Variants in RAB30 observed in about 807,000 individuals in gnomAD.
RAB30 encodes the protein ras-related protein Rab-30.
Under a neutral mutation model 25.1 loss-of-function variants are expected in RAB30, and 9 were observed. The ratio of observed to expected loss-of-function variants is 0.36; its 90% CI spans 0.22 to 0.63. The LOEUF is 0.63. RAB30 is among the 20% of genes least tolerant of loss of function. RAB30 has a pLI of 0.69. For synonymous variants in RAB30, 77 were observed against 86.4 expected, an observed-to-expected ratio of 0.89 and a Z score of 0.60; for missense variants, 140 against 243.5, an observed-to-expected ratio of 0.58 and a Z score of 2.83.
intron 1 of RAB30, among the ~76,000 whole-genome samples, chr11:83,063,395 T>G (rs1056934554): frequency 3.3e-5 from 5 of 152,230 alleles, no homozygotes; most frequent in African/African-American, 9.6e-5. Flanking sequence ...CACATTTTAG[T>G]GAAGTTAACT....
Position 82,978,954 on chromosome 11 carries a change from A to G in RAB30, c.*3211T>C, listed in dbSNP as rs1463493172. 1 of 152,202 alleles carries G rather than the reference A, an allele frequency of 6.6e-6. No homozygotes were observed. The highest frequency in any genetic ancestry group is 1.5e-5 in the Non-Finnish European group (1 of 68,032). 9.4% of individuals were successfully genotyped at this position (152,202 alleles called of 1,614,324 possible). A position where few individuals can be genotyped will look rare whatever the true frequency, so the allele number is the denominator to read the frequency against. On this transcript the variant is annotated 3_prime_UTR_variant, in exon 5 of 5. Coordinates refer to ENST00000527633, the MANE Select transcript of RAB30 (RefSeq NM_001286060.2). ...TTGCCACTTTACTCAGGGAGAGATA[A>G]AAACGTGAAATGATTAAAAGACCGA...
intron 1 of RAB30, among the ~76,000 whole-genome samples, chr11:83,040,307 G>T (rs1858078468): frequency 6.6e-6 from 1 of 152,118 alleles, no homozygotes; most frequent in South Asian, 2.1e-4. Flanking sequence ...CACTATTTTG[G>T]GCTGGGTGCA....
chr11:82,990,397 T>A (rs898251965), intron 3 of RAB30, among the ~76,000 whole-genome samples: 1 of 152,196 alleles, frequency 6.6e-6, no homozygotes, highest in Non-Finnish European at 1.5e-5. Flanking sequence ...GAGGAACTGG[T>A]CAATTCTACT....
At chr11:83,031,694 A>G (rs1331424411) in intron 1 of RAB30, among the ~76,000 whole-genome samples, 1 of 151,966 alleles carries the variant, frequency 6.6e-6, no homozygotes, top group Admixed American at 6.6e-5. Context: ...TACCTGGCTA[A>G]TTTTGTATTT....
In RAB30 at chr11:82,991,246, T is replaced by G. The variant is rs527450244; in HGVS notation, c.177+2793A>C. Reference sequence around the variant, plus strand: ...CAGGCTGGATGTGGTATCTCATGCCTGTAATCCCAGCACTGTGGGAGGCTG... The same window carrying G: ...CAGGCTGGATGTGGTATCTCATGCCGGTAATCCCAGCACTGTGGGAGGCTG... On this transcript the variant is annotated intron_variant, in intron 3 of 4. Transcript: ENST00000527633. 3.3e-5 allele frequency among the ~76,000 whole-genome samples: 5 copies of G among 152,290 alleles called. No individual in the cohort carries two copies. In the South Asian group the frequency reaches 1.0e-3, roughly 32 times the overall value.
chr11:83,067,964 C>T lies in RAB30; in HGVS notation c.-9+3727G>A, dbSNP rs554962712. The stretch of plus-strand genomic sequence containing the variant: ...CCAGCATGGTGAGACCCTATCTCTA[C>T]TAAATATATAAAAATTAGCTGGGAG... On this transcript the variant is annotated intron_variant, in intron 1 of 4. Coordinates refer to ENST00000527633, the MANE Select transcript of RAB30 (RefSeq NM_001286060.2). Among the ~76,000 whole-genome samples the T allele has an allele frequency of 5.7e-4, 87 of 151,966 alleles. 2 individuals are homozygous for T. Among genetic ancestry groups the T allele is most frequent in the African/African-American group, 2.0e-3 (83 of 41,430 alleles).
chr11:83,042,773 T>C (rs1590871714), intron 1 of RAB30, among the ~76,000 whole-genome samples: 1 of 152,182 alleles, frequency 6.6e-6, no homozygotes, highest in Non-Finnish European at 1.5e-5. Context: ...TATATAATCA[T>C]GTAGAAATAA....
intron 1 of RAB30, among the ~76,000 whole-genome samples, chr11:83,061,671 G>GT (rs1460966731): frequency 1.9e-5 from 2 of 104,488 alleles, no homozygotes; most frequent in Non-Finnish European, 4.3e-5. Context: ...TTTTTCGTTT[G>GT]TTTTTTGTTT....
At chr11:83,000,939 C>T (rs893087162) in intron 1 of RAB30, among the ~76,000 whole-genome samples, 2 of 142,192 alleles carry the variant, frequency 1.4e-5, no homozygotes, top group South Asian at 2.4e-4. Context: ...CCCAGCTACT[C>T]GGGAGGCTGA....
rs2121419250 is a variant in RAB30, at chr11:82,977,300, C to T, written c.*4865G>A. 6.6e-6 allele frequency: 1 copy of T among 152,308 alleles called. No individual in the cohort carries two copies. Among genetic ancestry groups the T allele is most frequent in the South Asian group, 2.1e-4 (1 of 4,818 alleles). 9.4% of individuals were successfully genotyped at this position (152,308 alleles called of 1,614,324 possible). A position where few individuals can be genotyped will look rare whatever the true frequency, so the allele number is the denominator to read the frequency against. On this transcript the variant is annotated 3_prime_UTR_variant, in exon 5 of 5. Coordinates refer to ENST00000527633, the MANE Select transcript of RAB30 (RefSeq NM_001286060.2). ...TGGCCTAACAACGTGCAACCAACCT[C>T]TTCCCTGAAAGATAAAGGTGGGATG...
At chr11:82,990,387 G>A (rs1856827267) in intron 3 of RAB30, among the ~76,000 whole-genome samples, 1 of 152,336 alleles carries the variant, frequency 6.6e-6, no homozygotes, top group African/African-American at 2.4e-5. Flanking sequence ...AATCACAAGG[G>A]AGGAACTGGT....
chr11:83,066,768 C>G (rs1858709145), intron 1 of RAB30, among the ~76,000 whole-genome samples: 1 of 152,122 alleles, frequency 6.6e-6, no homozygotes, highest in Non-Finnish European at 1.5e-5. Context: ...GCCACGCTGG[C>G]CTTGAACTCC....
intron 1 of RAB30, among the ~76,000 whole-genome samples, chr11:83,067,113 C>A (rs1408107858): frequency 6.6e-6 from 1 of 152,122 alleles, no homozygotes; most frequent in East Asian, 1.9e-4. Flanking sequence ...GCACCCATCA[C>A]CCCTACCCCC....
In RAB30 at chr11:82,982,267, G is replaced by C; in HGVS notation, c.510C>G (p.Leu170=). 1 of 1,614,236 alleles carries C rather than the reference G, an allele frequency of 6.2e-7. No individual in the cohort carries two copies. The highest frequency in any genetic ancestry group is 8.5e-7 in the Non-Finnish European group (1 of 1,180,038). ...GTGTGTTCTGTCTGGCTTCACTGAT[G>C]AGTCGGCATGCTAAGTCAAGGAAGA... The part of the protein sequence containing the change: ...EKLFLDLACR[L]ISEARQNTLV... The change falls in exon 5 of 5, where the codon CTC becomes CTG. Residue 170 remains leucine (L), a synonymous_variant. Transcript: ENST00000527633.
intron 1 of RAB30, among the ~76,000 whole-genome samples, chr11:83,033,359 C>G (rs189995819): frequency 6.6e-6 from 1 of 152,064 alleles, no homozygotes; most frequent in Non-Finnish European, 1.5e-5. Context: ...AGCCACTGAG[C>G]CCGGCCTGCC....
Position 83,014,385 on chromosome 11 carries a change from A to G in RAB30, c.-8-17061T>C, listed in dbSNP as rs570795643. Among the ~76,000 whole-genome samples, 3 of 151,964 alleles carry G rather than the reference A, an allele frequency of 2.0e-5. No homozygotes were observed. In the East Asian group the frequency reaches 5.8e-4, roughly 29 times the overall value. ...CAACACAGTGAGACCTCATCTCTAC[A>G]AAAAATTTAAAAATTAGCTGGATGT... On this transcript the variant is annotated intron_variant, in intron 1 of 4. Coordinates refer to ENST00000527633, the MANE Select transcript of RAB30 (RefSeq NM_001286060.2).
chr11:82,989,263 G>C (rs1262491547), intron 3 of RAB30, among the ~76,000 whole-genome samples: 1 of 152,098 alleles, frequency 6.6e-6, no homozygotes, highest in Non-Finnish European at 1.5e-5. Context: ...TGCTGCTGTT[G>C]CCACCAAAGA....
At chr11:82,983,256 G>T (rs146790117) in intron 4 of RAB30, among the ~76,000 whole-genome samples, 200 of 152,182 alleles carry the variant, frequency 1.3e-3, no homozygotes, top group African/African-American at 4.5e-3. Flanking sequence ...ATAGAAACCA[G>T]ACCTCTCTGA....
chr11:83,040,161 A>G (rs1858075619), intron 1 of RAB30, among the ~76,000 whole-genome samples: 1 of 152,232 alleles, frequency 6.6e-6, no homozygotes, highest in Non-Finnish European at 1.5e-5. Flanking sequence ...CACAAGTGAA[A>G]GGCTACCCTT....
Sources: allele counts gnomAD v4.1 joint callset (sites outside exome capture counted in the v4.1 genomes callset), GRCh38; gene constraint gnomAD v4.1.1; transcripts MANE v1.5; gene names NCBI Gene and HGNC (gene_info 2026-07-23, HGNC 2026-07-21).